LAMA3: variants seen among roughly 807,000 people sequenced by gnomAD.
The protein encoded by LAMA3 is laminin subunit alpha 3.
LAMA3 carries 281 observed loss-of-function variants against 402.0 expected under a neutral mutation model. The ratio of observed to expected loss-of-function variants is 0.70; its 90% CI spans 0.63 to 0.77. The LOEUF (loss-of-function observed/expected upper bound fraction) is 0.77. Ranked by LOEUF, LAMA3 falls within the 30% of genes least tolerant of loss-of-function variation. The pLI is 0.00. For synonymous variants in LAMA3, 1,431 were observed against 1,558.4 expected, an observed-to-expected ratio of 0.92 and a Z score of 1.93; for missense variants, 3,840 against 4,215.5, an observed-to-expected ratio of 0.91 and a Z score of 2.47.
intron 41 of LAMA3, among the ~76,000 whole-genome samples, chr18:23,888,553 C>T (rs982312182): frequency 6.6e-6 from 1 of 151,898 alleles, no homozygotes; most frequent in African/African-American, 2.4e-5. Flanking sequence ...TGGGGGGGAC[C>T]GGTAAAGAAA....
intron 37 of LAMA3, 140 bp downstream of exon 37, chr18:23,868,057 A>T: frequency 2.7e-6 from 2 of 730,112 alleles, no homozygotes; most frequent in Non-Finnish European, 4.5e-6. Context: ...CAGGTTGAGC[A>T]TCCTTAATCT....
At chr18:23,938,407 A>G (rs1289132860) in intron 67 of LAMA3, among the ~76,000 whole-genome samples, 1 of 152,200 alleles carries the variant, frequency 6.6e-6, no homozygotes, top group Non-Finnish European at 1.5e-5. Context: ...GTTACTTCCA[A>G]CAATTTTCCT....
chr18:23,855,526 C>A (rs1183600509), intron 32 of LAMA3, among the ~76,000 whole-genome samples: 1 of 152,156 alleles, frequency 6.6e-6, no homozygotes, highest in African/African-American at 2.4e-5. Context: ...GCCAGACTGC[C>A]TGATTACATT....
At position 23,876,401 on chromosome 18, in the gene LAMA3, A is replaced by G. The variant is rs1324675927; in HGVS notation, c.5106A>G (p.Ile1702Met). ...HSNQCQDGSGICVNCQHNTAG... is the reference protein window; with the variant it reads ...HSNQCQDGSGMCVNCQHNTAG... ...ATCAATGCCAGGATGGCTCAGGCAT[A>G]TGTGTTGTGAGTAAATTGACACTTT... The change falls in exon 39 of 75, where the codon ATA (isoleucine) becomes ATG (methionine). Residue 1702 changes from isoleucine to methionine, a missense_variant. Physicochemically the swap from Ile to Met is conservative, Grantham distance 10. Around this residue, in one of 3 missense-constraint regions of LAMA3, gnomAD observed 2,109 missense variants for 2,376.0 expected, o/e 0.89. Coordinates refer to ENST00000313654, the MANE Select transcript of LAMA3 (RefSeq NM_198129.4). The G allele has an allele frequency of 2.5e-6, 4 of 1,601,802 alleles. No individual in the cohort carries two copies. The highest frequency in any genetic ancestry group is 3.4e-6 in the Non-Finnish European group (4 of 1,168,762).
chr18:23,742,680 A>G (rs200965308), intron 2 of LAMA3, among the ~76,000 whole-genome samples: 1 of 128,026 alleles, frequency 7.8e-6, no homozygotes, highest in Non-Finnish European at 1.7e-5. Flanking sequence ...GTGTGTGTGT[A>G]GAGAACAAAA....
chr18:23,820,263 A>G (rs1420186824), intron 19 of LAMA3, among the ~76,000 whole-genome samples: 1 of 152,232 alleles, frequency 6.6e-6, no homozygotes, highest in Non-Finnish European at 1.5e-5. Flanking sequence ...AGATTAAAGA[A>G]AAATAGTGTT....
At chr18:23,744,267 C>T (rs866151161) in intron 2 of LAMA3, among the ~76,000 whole-genome samples, 45 of 152,212 alleles carry the variant, frequency 3.0e-4, no homozygotes, top group African/African-American at 1.0e-3. Context: ...CACATATAGT[C>T]GCTTGGTGCA....
intron 11 of LAMA3, among the ~76,000 whole-genome samples, chr18:23,781,599 A>T (rs1183108585): frequency 6.6e-6 from 1 of 152,190 alleles, no homozygotes; most frequent in African/African-American, 2.4e-5. Flanking sequence ...AAGACAAAAG[A>T]GCTTGGGCTA....
At chr18:23,846,604 C>G in intron 31 of LAMA3, 96 bp downstream of exon 31, 1 of 1,118,996 alleles carries the variant, frequency 8.9e-7, no homozygotes, top group Non-Finnish European at 1.3e-6. Context: ...GTGCTAGAGA[C>G]TCACCTGGAG....
intron 12 of LAMA3, among the ~76,000 whole-genome samples, chr18:23,800,069 C>T (rs2062840287): frequency 1.3e-5 from 2 of 152,338 alleles, no homozygotes; most frequent in South Asian, 2.1e-4. Flanking sequence ...GACCAAACAT[C>T]TGGGCATCGT....
At chr18:23,786,067 G>A (rs1432844320) in intron 12 of LAMA3, among the ~76,000 whole-genome samples, 1 of 152,144 alleles carries the variant, frequency 6.6e-6, no homozygotes, top group Non-Finnish European at 1.5e-5. Context: ...ATTAACCAGT[G>A]AAAATATTTT....
intron 65 of LAMA3, 56 bp from the exon 66 acceptor site, chr18:23,932,104 C>A: frequency 5.6e-6 from 9 of 1,608,724 alleles, no homozygotes; most frequent in Non-Finnish European, 7.6e-6. Context: ...GGCCACATGG[C>A]AAGGGCCCTT....
At chr18:23,881,141 A>C (rs1429309981) in intron 39 of LAMA3, among the ~76,000 whole-genome samples, 8 of 152,208 alleles carry the variant, frequency 5.3e-5, no homozygotes, top group Admixed American at 5.2e-4. Flanking sequence ...CCAATCCACT[A>C]GGTTTTGTCT....
chr18:23,922,069 A>G (rs1019177182), intron 62 of LAMA3, among the ~76,000 whole-genome samples: 1 of 152,224 alleles, frequency 6.6e-6, no homozygotes, highest in Non-Finnish European at 1.5e-5. Context: ...TGGAATTGTT[A>G]CGTAACTGTT....
At chr18:23,894,460 G>A in intron 43 of LAMA3, 112 bp downstream of exon 43, 7 of 927,280 alleles carry the variant, frequency 7.5e-6, no homozygotes, top group Admixed American at 3.6e-5. Context: ...AAGGGTGGGA[G>A]GAGGTGGAAG....
chr18:23,809,941 A>G (rs2063035317), intron 12 of LAMA3, among the ~76,000 whole-genome samples: 7 of 152,094 alleles, frequency 4.6e-5, no homozygotes, highest in Admixed American at 4.6e-4. Context: ...CACATCCCCC[A>G]TCAGTTGTTC....
intron 56 of LAMA3, 46 bp downstream of exon 56, chr18:23,912,927 T>C (rs1568335654): frequency 5.1e-6 from 8 of 1,558,226 alleles, no homozygotes; most frequent in South Asian, 1.1e-5. Flanking sequence ...ACAATGTTTT[T>C]CGAGAGGTGT....
Position 23,951,665 on chromosome 18 carries a change from A to G in LAMA3, c.9643-19A>G, listed in dbSNP as rs2082914898. The G allele has an allele frequency of 6.2e-7, 1 of 1,606,044 alleles. No individual in the cohort carries two copies. The highest frequency in any genetic ancestry group is 1.3e-5 in the African/African-American group (1 of 74,870). ...ACCTGCCTTCCTGAAGGAAATAGGA[A>G]AATGCATGTGTGTTCCAGGTCACGG... On this transcript the variant is annotated intron_variant, in intron 72 of 74. Transcript: ENST00000313654.
chr18:23,701,129 G>A (rs1161856631), intron 1 of LAMA3, among the ~76,000 whole-genome samples: 1 of 152,214 alleles, frequency 6.6e-6, no homozygotes, highest in African/African-American at 2.4e-5. Context: ...TTGTTGCCTG[G>A]GAAACCTCTT....
Sources: allele counts gnomAD v4.1 joint callset (sites outside exome capture counted in the v4.1 genomes callset), GRCh38; gene constraint gnomAD v4.1.1; regional missense constraint gnomAD v4.1.1; transcripts MANE v1.5; gene names NCBI Gene and HGNC (gene_info 2026-07-23, HGNC 2026-07-21).